Variants in PMFBP1 observed in about 807,000 individuals in gnomAD.
PMFBP1 encodes the protein polyamine-modulated factor 1-binding protein 1.
In PMFBP1, 131 loss-of-function variants were observed where a neutral mutation model predicts 137.8. The ratio of observed to expected loss-of-function variants is 0.95; its 90% CI spans 0.82 to 1.10. The LOEUF is 1.10. PMFBP1 is among the 50% of genes least tolerant of loss of function. The pLI is 0.00. For missense variants in PMFBP1, 1,199 were observed against 1,175.4 expected (o/e 1.02, Z -0.29); for synonymous variants, 490 against 450.4 (o/e 1.09, Z -1.11).
At chr16:72,223,920 G>C in the PMFBP1 span, among the ~76,000 whole-genome samples, 1 of 152,278 alleles carries the variant, frequency 6.6e-6, no homozygotes, top group East Asian at 1.9e-4. Context: ...GAGATCTATT[G>C]AAGGGCAAAC....
chr16:72,202,443 G>A, the PMFBP1 span, among the ~76,000 whole-genome samples: 1 of 152,146 alleles, frequency 6.6e-6, no homozygotes, highest in Non-Finnish European at 1.5e-5. Flanking sequence ...CTCCCAAAGT[G>A]CTGGGATTAC....
intron 12 of PMFBP1, among the ~76,000 whole-genome samples, 153 bp from the exon 13 acceptor site, chr16:72,129,386 C>T (rs926554538): frequency 1.1e-4 from 17 of 152,342 alleles, no homozygotes; most frequent in African/African-American, 3.4e-4. Flanking sequence ...TTTCCTCCAA[C>T]GCCTGTAACA....
the PMFBP1 span, among the ~76,000 whole-genome samples, chr16:72,181,966 A>C: frequency 6.6e-6 from 1 of 152,232 alleles, no homozygotes; most frequent in African/African-American, 2.4e-5. Context: ...TGATGAGCTA[A>C]AAATAAAAAA....
chr16:72,226,454 C>T, the PMFBP1 span, among the ~76,000 whole-genome samples: 1 of 152,148 alleles, frequency 6.6e-6, no homozygotes, highest in Non-Finnish European at 1.5e-5. Flanking sequence ...ATTAAAATGA[C>T]CCTGACACTA....
At chr16:72,186,490 C>T in the PMFBP1 span, among the ~76,000 whole-genome samples, 1 of 152,020 alleles carries the variant, frequency 6.6e-6, no homozygotes, top group Non-Finnish European at 1.5e-5. Flanking sequence ...ATGGGAAGAG[C>T]TGTAGATGCG....
At chr16:72,190,621 T>A in the PMFBP1 span, among the ~76,000 whole-genome samples, 1 of 151,382 alleles carries the variant, frequency 6.6e-6, no homozygotes. Flanking sequence ...GGAAAGAGAG[T>A]GAGCCTAGCT....
chr16:72,187,847 C>A, the PMFBP1 span, among the ~76,000 whole-genome samples: 2 of 152,132 alleles, frequency 1.3e-5, no homozygotes, highest in Non-Finnish European at 2.9e-5. Context: ...TGGGGAGTAG[C>A]CAATCAGACA....
At chr16:72,173,121 C>T (rs112656995), upstream of PMFBP1, among the ~76,000 whole-genome samples, 1 of 152,262 alleles carries the variant, frequency 6.6e-6, no homozygotes, top group Admixed American at 6.5e-5. Context: ...TTTGCAAAGG[C>T]CTTCATATCT....
At chr16:72,226,906 G>A in the PMFBP1 span, among the ~76,000 whole-genome samples, 5 of 152,206 alleles carry the variant, frequency 3.3e-5, no homozygotes, top group African/African-American at 2.4e-5. Flanking sequence ...GATGAGATGA[G>A]AAAAAATTTT....
At chr16:72,246,869 G>C in the PMFBP1 span, among the ~76,000 whole-genome samples, 1 of 152,042 alleles carries the variant, frequency 6.6e-6, no homozygotes, top group African/African-American at 2.4e-5. Flanking sequence ...GAGAGGGAAG[G>C]AATATCCTCC....
chr16:72,128,504 A>T, intron 14 of PMFBP1, 153 bp downstream of exon 14: 1 of 1,552,616 alleles, frequency 6.4e-7, no homozygotes, highest in Non-Finnish European at 8.7e-7. Context: ...CCAGGTGCCA[A>T]TGGGGAGGGA....
chr16:72,119,655 G>T, intron 20 of PMFBP1, 196 bp downstream of exon 20: 1 of 1,446,734 alleles, frequency 6.9e-7, no homozygotes, highest in Non-Finnish European at 9.0e-7. Flanking sequence ...GTATGCTTCA[G>T]ATGTTCTTAG....
At chr16:72,154,589 G>C (rs2042954693) in intron 3 of PMFBP1, 130 bp from the exon 4 acceptor site, 1 of 1,079,006 alleles carries the variant, frequency 9.3e-7, no homozygotes, top group East Asian at 2.5e-5. Context: ...TTCATCTACA[G>C]AGATCTTATT....
the PMFBP1 span, among the ~76,000 whole-genome samples, chr16:72,195,857 G>A: frequency 6.6e-6 from 1 of 152,240 alleles, no homozygotes; most frequent in African/African-American, 2.4e-5. Flanking sequence ...CCTTGGCTGA[G>A]TAGGGCCTGC....
the PMFBP1 span, among the ~76,000 whole-genome samples, chr16:72,219,171 T>C: frequency 6.6e-6 from 1 of 152,206 alleles, no homozygotes; most frequent in African/African-American, 2.4e-5. Context: ...AATTTTCAAA[T>C]ATACAACATA....
At chr16:72,213,028 C>G in the PMFBP1 span, among the ~76,000 whole-genome samples, 1 of 152,210 alleles carries the variant, frequency 6.6e-6, no homozygotes. Context: ...GAACATTTAT[C>G]TTCACAGTAT....
At chr16:72,227,888 TTTATTG>T in the PMFBP1 span, among the ~76,000 whole-genome samples, 1 of 152,220 alleles carries the variant, frequency 6.6e-6, no homozygotes, top group East Asian at 1.9e-4. Flanking sequence ...ATGGTAGCTA[TTTATTG>T]TTATTATGTT....
chr16:72,218,895 C>A, the PMFBP1 span, among the ~76,000 whole-genome samples: 777 of 152,084 alleles, frequency 5.1e-3, no homozygotes, highest in Non-Finnish European at 7.9e-3. Context: ...AGGAAGTAAC[C>A]CCAACAAAGG....
chr16:72,171,587 T>C (rs1382108089), intron 1 of PMFBP1: 3 of 236,902 alleles, frequency 1.3e-5, no homozygotes, highest in Non-Finnish European at 2.5e-5. Flanking sequence ...ATGGCTCAGA[T>C]ATAGCTAATA....
Sources: allele counts gnomAD v4.1 joint callset (sites outside exome capture counted in the v4.1 genomes callset), GRCh38; gene constraint gnomAD v4.1.1; transcripts MANE v1.5; gene names NCBI Gene and HGNC (gene_info 2026-07-23, HGNC 2026-07-21).